Variants in PCLO observed in about 807,000 individuals in gnomAD.
The protein encoded by PCLO is protein piccolo.
Under a neutral mutation model 427.5 loss-of-function variants are expected in PCLO, and 82 were observed. That is an observed-to-expected ratio of 0.19 (90% CI 0.16 to 0.23). The LOEUF (loss-of-function observed/expected upper bound fraction) is 0.23, where lower values mean the gene tolerates loss of function less well. Ranked by LOEUF, PCLO falls within the 10% of genes least tolerant of loss-of-function variation. The pLI is 1.00. For missense variants in PCLO, 6,239 were observed against 6,115.9 expected, an observed-to-expected ratio of 1.02 and a Z score of -0.67; for synonymous variants, 2,357 against 2,155.4, an observed-to-expected ratio of 1.09 and a Z score of -2.59.
At chr7:82,993,817 T>C (rs779681423) in intron 3 of PCLO, among the ~76,000 whole-genome samples, 10 of 152,096 alleles carry the variant, frequency 6.6e-5, no homozygotes, top group East Asian at 1.9e-4. Flanking sequence ...ATGAATGATA[T>C]GTATTCATGT....
chr7:82,778,266 CAG>C (rs1790796857), intron 22 of PCLO, among the ~76,000 whole-genome samples: 1 of 152,062 alleles, frequency 6.6e-6, no homozygotes, highest in African/African-American at 2.4e-5. Flanking sequence ...CAAAAAATAA[CAG>C]ATGCTGGCAA....
chr7:83,025,409 G>T (rs1277303148), intron 3 of PCLO, among the ~76,000 whole-genome samples: 35 of 150,308 alleles, frequency 2.3e-4, no homozygotes, highest in African/African-American at 8.5e-4. Context: ...AGAGAAAAAA[G>T]AATAAAAAGA....
intron 3 of PCLO, among the ~76,000 whole-genome samples, chr7:83,132,886 C>G (rs574066043): frequency 7.9e-5 from 12 of 151,962 alleles, no homozygotes; most frequent in Admixed American, 5.2e-4. Context: ...AACTGCTCTT[C>G]TAAAAGTGTT....
chr7:83,019,664 G>T (rs1054939199), intron 3 of PCLO, among the ~76,000 whole-genome samples: 28 of 151,964 alleles, frequency 1.8e-4, no homozygotes, highest in African/African-American at 6.3e-4. Flanking sequence ...CTATTTAGGA[G>T]AACCAATGTC....
intron 3 of PCLO, among the ~76,000 whole-genome samples, chr7:82,977,357 T>G (rs1004765018): frequency 6.6e-6 from 1 of 150,572 alleles, no homozygotes; most frequent in African/African-American, 2.4e-5. Flanking sequence ...TTCAGTAAAC[T>G]GCCTGAGTGC....
chr7:83,082,311 C>T (rs1342394555), intron 3 of PCLO, among the ~76,000 whole-genome samples: 7 of 151,338 alleles, frequency 4.6e-5, no homozygotes, highest in Admixed American at 3.3e-4. Flanking sequence ...AAATATTTTG[C>T]TTTATATTAA....
chr7:83,000,254 A>C (rs578180682), intron 3 of PCLO, among the ~76,000 whole-genome samples: 229 of 132,166 alleles, frequency 1.7e-3, no homozygotes, highest in African/African-American at 6.5e-3. Flanking sequence ...AGTAGAGTAA[A>C]ATATTCAAAG....
In PCLO at chr7:82,842,506, C is replaced by T. The variant is rs116091725; in HGVS notation, c.14047-997G>A. Among the ~76,000 whole-genome samples the T allele has an allele frequency of 9.8e-3, 1,495 of 151,958 alleles. 18 individuals are homozygous for T. The highest frequency in any genetic ancestry group is 0.033 in the African/African-American group (1,389 of 41,474). On this transcript the variant is annotated intron_variant, in intron 13 of 24. Transcript: ENST00000333891. ...CCAAAGATTTTTTTGGAGATGACTC[C>T]GAAAGCACAGGCAACAAAAGCAAAA...
chr7:82,948,812 A>G (rs1056566354), intron 6 of PCLO, among the ~76,000 whole-genome samples: 4 of 152,168 alleles, frequency 2.6e-5, no homozygotes, highest in African/African-American at 9.6e-5. Flanking sequence ...TTCTGTGAGC[A>G]CTAGGATTAA....
chr7:83,152,447 T>C (rs1792163036), intron 2 of PCLO, among the ~76,000 whole-genome samples: 1 of 152,190 alleles, frequency 6.6e-6, no homozygotes, highest in Non-Finnish European at 1.5e-5. Context: ...CAAATGTGTA[T>C]CATATTAATT....
chr7:83,065,496 T>C (rs1294506242), intron 3 of PCLO, among the ~76,000 whole-genome samples: 1 of 130,550 alleles, frequency 7.7e-6, no homozygotes, highest in Non-Finnish European at 1.6e-5. Context: ...CAGCTCAAAA[T>C]GTAAAAAAAA....
chr7:83,053,334 A>C (rs71557161), intron 3 of PCLO, among the ~76,000 whole-genome samples: 18,833 of 151,972 alleles, frequency 0.12, 1,311 homozygotes, highest in Admixed American at 0.16. Context: ...ACACTGAAAA[A>C]GTTTGTTTTC....
intron 10 of PCLO, among the ~76,000 whole-genome samples, chr7:82,869,239 C>A (rs1174303432): frequency 6.6e-6 from 1 of 151,968 alleles, no homozygotes; most frequent in Non-Finnish European, 1.5e-5. Context: ...ATTGATAAAA[C>A]CATATAATAT....
chr7:82,872,374 TG>T (rs1793257850), intron 10 of PCLO, among the ~76,000 whole-genome samples: 1 of 151,698 alleles, frequency 6.6e-6, no homozygotes, highest in African/African-American at 2.4e-5. Flanking sequence ...TCAGCACTAC[TG>T]AAGGAAAAGT....
intron 22 of PCLO, among the ~76,000 whole-genome samples, chr7:82,766,275 T>A (rs757199663): frequency 9.9e-5 from 15 of 152,004 alleles, no homozygotes; most frequent in Non-Finnish European, 2.1e-4. Context: ...TTACTGGAGC[T>A]CCAAGATAAA....
intron 3 of PCLO, among the ~76,000 whole-genome samples, chr7:83,005,040 G>C (rs1166698308): frequency 6.7e-6 from 1 of 149,938 alleles, no homozygotes; most frequent in African/African-American, 2.5e-5. Context: ...GGAAAGGGTA[G>C]GAAGATACAT....
chr7:82,793,385 G>A (rs1791147957), intron 22 of PCLO, among the ~76,000 whole-genome samples: 1 of 152,086 alleles, frequency 6.6e-6, no homozygotes, highest in Non-Finnish European at 1.5e-5. Context: ...CCAAGTTGAT[G>A]GACACTCTGC....
chr7:83,069,304 T>G, intron 3 of PCLO, among the ~76,000 whole-genome samples: 1 of 152,144 alleles, frequency 6.6e-6, no homozygotes, highest in East Asian at 1.9e-4. Context: ...ATCCTGTGAA[T>G]ACTGTATCAT....
intron 9 of PCLO, among the ~76,000 whole-genome samples, chr7:82,885,391 G>A (rs1228262710): frequency 6.6e-6 from 1 of 152,056 alleles, no homozygotes; most frequent in Non-Finnish European, 1.5e-5. Flanking sequence ...CTCCAGAAAG[G>A]GATACAGCAC....
Sources: allele counts gnomAD v4.1 joint callset (sites outside exome capture counted in the v4.1 genomes callset), GRCh38; gene constraint gnomAD v4.1.1; transcripts MANE v1.5; gene names NCBI Gene and HGNC (gene_info 2026-07-23, HGNC 2026-07-21).